Variants in NKAIN2 observed in about 807,000 individuals in gnomAD.
NKAIN2 encodes the protein sodium/potassium transporting ATPase interacting 2.
NKAIN2 carries 14 observed loss-of-function variants against 32.6 expected under a neutral mutation model. The observed-to-expected ratio is 0.43, with a 90% confidence interval of 0.28 to 0.67. NKAIN2 has a LOEUF of 0.67. Among genes scored for constraint, NKAIN2 ranks in the 30% least tolerant of loss-of-function variants. The pLI is 0.17. For synonymous variants in NKAIN2, 80 were observed against 87.2 expected, an observed-to-expected ratio of 0.92 and a Z score of 0.46; for missense variants, 198 against 258.3, an observed-to-expected ratio of 0.77 and a Z score of 1.60.
intron 1 of NKAIN2, among the ~76,000 whole-genome samples, chr6:123,807,721 T>C (rs966197840): frequency 6.6e-6 from 1 of 152,108 alleles, no homozygotes; most frequent in African/African-American, 2.4e-5. Context: ...GTAAGGAAAC[T>C]CAAAATCCCC....
chr6:124,539,338 C>T (rs1779827746), intron 3 of NKAIN2, among the ~76,000 whole-genome samples: 1 of 152,140 alleles, frequency 6.6e-6, no homozygotes, highest in Non-Finnish European at 1.5e-5. Flanking sequence ...CATAATATCT[C>T]TCCTGCTGCC....
intron 1 of NKAIN2, among the ~76,000 whole-genome samples, chr6:123,910,499 G>GTTTTTTTTTTTTTTTT (rs35165515): frequency 3.7e-5 from 3 of 81,320 alleles, no homozygotes; most frequent in African/African-American, 1.5e-4. Flanking sequence ...TGCAATGCAT[G>GTTTTTTTTTTTTTTTT]TTTTTTTTTT....
At chr6:123,897,213 C>T (rs1774326724) in intron 1 of NKAIN2, among the ~76,000 whole-genome samples, 1 of 152,070 alleles carries the variant, frequency 6.6e-6, no homozygotes, top group African/African-American at 2.4e-5. Flanking sequence ...TCCCCATAGC[C>T]AAAAGCAAAG....
At chr6:124,196,351 A>G (rs1790314316) in intron 1 of NKAIN2, among the ~76,000 whole-genome samples, 1 of 152,110 alleles carries the variant, frequency 6.6e-6, no homozygotes, top group Non-Finnish European at 1.5e-5. Context: ...CTTATTCTTC[A>G]CAATAACTCT....
intron 2 of NKAIN2, among the ~76,000 whole-genome samples, chr6:124,352,495 C>T (rs1018960420): frequency 1.3e-5 from 2 of 152,162 alleles, no homozygotes; most frequent in African/African-American, 4.8e-5. Context: ...TCAGCATTGA[C>T]ATTTTTAAAT....
At chr6:124,508,621 G>A (rs1778588600) in intron 3 of NKAIN2, among the ~76,000 whole-genome samples, 1 of 152,012 alleles carries the variant, frequency 6.6e-6, no homozygotes, top group Non-Finnish European at 1.5e-5. Context: ...GGGATTACAG[G>A]TATGAGCCAC....
chr6:124,763,784 AAAC>A (rs1317168365), intron 4 of NKAIN2, among the ~76,000 whole-genome samples: 1 of 152,246 alleles, frequency 6.6e-6, no homozygotes, highest in Non-Finnish European at 1.5e-5. Flanking sequence ...ATGGTGTTTT[AAAC>A]AACATTCATA....
At chr6:124,428,419 A>G (rs1194903172) in intron 3 of NKAIN2, among the ~76,000 whole-genome samples, 1 of 152,206 alleles carries the variant, frequency 6.6e-6, no homozygotes, top group Non-Finnish European at 1.5e-5. Context: ...CAAACTAAGT[A>G]TACTTGGTTT....
intron 5 of NKAIN2, among the ~76,000 whole-genome samples, chr6:124,817,195 C>T (rs531308141): frequency 2.0e-5 from 3 of 152,190 alleles, no homozygotes; most frequent in South Asian, 4.1e-4. Flanking sequence ...TGAATACATC[C>T]TAAAACAAAT....
intron 1 of NKAIN2, among the ~76,000 whole-genome samples, chr6:124,087,328 T>C (rs575911585): frequency 6.6e-6 from 1 of 151,946 alleles, no homozygotes; most frequent in Admixed American, 6.6e-5. Flanking sequence ...TACTTAATGT[T>C]GAGAAACGAG....
At chr6:124,397,353 A>G (rs1773424011) in intron 3 of NKAIN2, among the ~76,000 whole-genome samples, 2 of 152,092 alleles carry the variant, frequency 1.3e-5, no homozygotes, top group African/African-American at 4.8e-5. Flanking sequence ...CAATTCAAAC[A>G]TATTCAGTGC....
At chr6:124,668,992 A>G (rs923822514) in intron 4 of NKAIN2, among the ~76,000 whole-genome samples, 1 of 152,068 alleles carries the variant, frequency 6.6e-6, no homozygotes, top group Admixed American at 6.6e-5. Flanking sequence ...AAAAGCTTCA[A>G]AGTTGCTGTG....
At chr6:124,076,801 G>A (rs999907115) in intron 1 of NKAIN2, among the ~76,000 whole-genome samples, 2 of 152,174 alleles carry the variant, frequency 1.3e-5, no homozygotes, top group African/African-American at 4.8e-5. Context: ...AATCTGTAGT[G>A]CAGAGATCTG....
At chr6:124,606,599 C>T (rs746854001) in intron 3 of NKAIN2, among the ~76,000 whole-genome samples, 18 of 151,964 alleles carry the variant, frequency 1.2e-4, no homozygotes, top group Non-Finnish European at 2.2e-4. Context: ...ATTACAATTT[C>T]ACAATTTCTA....
At chr6:124,753,620 A>C (rs1777827582) in intron 4 of NKAIN2, among the ~76,000 whole-genome samples, 1 of 152,120 alleles carries the variant, frequency 6.6e-6, no homozygotes, top group South Asian at 2.1e-4. Context: ...GCTCAAAGAA[A>C]GGAAATAAAA....
At chr6:123,997,255 C>A (rs1779657586) in intron 1 of NKAIN2, among the ~76,000 whole-genome samples, 1 of 152,214 alleles carries the variant, frequency 6.6e-6, no homozygotes, top group Non-Finnish European at 1.5e-5. Context: ...CAAGCAATTT[C>A]TCTTGCAATA....
intron 4 of NKAIN2, among the ~76,000 whole-genome samples, chr6:124,706,505 C>CA (rs772823814): frequency 2.9e-4 from 44 of 151,112 alleles, no homozygotes; most frequent in African/African-American, 6.1e-4. Context: ...TCAAAAAAAA[C>CA]AAAAAAAAGA....
intron 2 of NKAIN2, among the ~76,000 whole-genome samples, chr6:124,312,481 G>T (rs1279607314): frequency 6.6e-6 from 1 of 152,168 alleles, no homozygotes; most frequent in African/African-American, 2.4e-5. Context: ...TGCTAGGACA[G>T]TTCAGGGAAA....
intron 3 of NKAIN2, among the ~76,000 whole-genome samples, chr6:124,553,990 G>T (rs1260057315): frequency 6.6e-6 from 1 of 152,164 alleles, no homozygotes; most frequent in Admixed American, 6.5e-5. Flanking sequence ...GGGAAGATAA[G>T]TGTTCACCTT....
Sources: allele counts gnomAD v4.1 joint callset (sites outside exome capture counted in the v4.1 genomes callset), GRCh38; gene constraint gnomAD v4.1.1; transcripts MANE v1.5; gene names NCBI Gene and HGNC (gene_info 2026-07-23, HGNC 2026-07-21).